MCHR2: variants seen among roughly 807,000 people sequenced by gnomAD.
MCHR2 encodes the protein melanin-concentrating hormone receptor 2.
In MCHR2, 15 loss-of-function variants were observed where a neutral mutation model predicts 24.8. That is an observed-to-expected ratio of 0.60 (90% CI 0.40 to 0.93). MCHR2 has a LOEUF of 0.93. Among genes scored for constraint, MCHR2 ranks in the 40% least tolerant of loss-of-function variants. The pLI is 0.00. For missense variants in MCHR2, 386 were observed against 408.7 expected, an observed-to-expected ratio of 0.94 and a Z score of 0.48; for synonymous variants, 151 against 147.6, an observed-to-expected ratio of 1.02 and a Z score of -0.17.
At chr6:99,923,499 C>T (rs1774284388) in intron 5 of MCHR2, among the ~76,000 whole-genome samples, 1 of 151,848 alleles carries the variant, frequency 6.6e-6, no homozygotes, top group Admixed American at 6.6e-5. Flanking sequence ...TAGTTTTTTC[C>T]CCATTCAGTA....
At chr6:99,962,888 T>C (rs1205334489) in intron 1 of MCHR2, among the ~76,000 whole-genome samples, 1 of 152,068 alleles carries the variant, frequency 6.6e-6, no homozygotes, top group Non-Finnish European at 1.5e-5. Context: ...TCCTATAACT[T>C]AATATTGATA....
intron 5 of MCHR2, among the ~76,000 whole-genome samples, chr6:99,931,631 C>T (rs1019095585): frequency 1.3e-5 from 2 of 152,072 alleles, no homozygotes; most frequent in Non-Finnish European, 2.9e-5. Context: ...GGGCGTAGGA[C>T]CCCCTGAGCC....
At chr6:99,967,030 T>A (rs1269005185) in intron 1 of MCHR2, among the ~76,000 whole-genome samples, 1 of 152,154 alleles carries the variant, frequency 6.6e-6, no homozygotes, top group Admixed American at 6.6e-5. Context: ...AGTACTTTTT[T>A]TTGATACTTT....
intron 1 of MCHR2, among the ~76,000 whole-genome samples, chr6:99,986,938 G>T (rs866069365): frequency 1.3e-4 from 19 of 150,454 alleles, no homozygotes; most frequent in African/African-American, 4.4e-4. Context: ...ATATAAAAAA[G>T]GAAATGATAA....
At chr6:99,986,322 T>G (rs1296441171) in intron 1 of MCHR2, among the ~76,000 whole-genome samples, 1 of 152,148 alleles carries the variant, frequency 6.6e-6, no homozygotes, top group Non-Finnish European at 1.5e-5. Context: ...CATCACTGGG[T>G]ATCTACCCCT....
intron 1 of MCHR2, among the ~76,000 whole-genome samples, chr6:99,980,378 T>C (rs902698733): frequency 6.6e-6 from 1 of 152,140 alleles, no homozygotes; most frequent in African/African-American, 2.4e-5. Flanking sequence ...AGATGGAAGT[T>C]GTTTGTGCTA....
rs1375917124 is a variant in MCHR2 at position 99,939,087 on chromosome 6, T to C, written c.587+3862A>G. Among the ~76,000 whole-genome samples, 8 of 152,178 alleles carry C rather than the reference T, an allele frequency of 5.3e-5. 1 individual carries two copies. The South Asian group carries it at 1.7e-3, about 32-fold the overall frequency. On this transcript the variant is annotated intron_variant, in intron 4 of 5. Coordinates refer to ENST00000281806, the MANE Select transcript of MCHR2 (RefSeq NM_001040179.2). ...TCTATGTGTGTCTTTATAGGTGAAG[T>C]GGGTTTCTTGTAGGCTGCATATAGT...
intron 1 of MCHR2, among the ~76,000 whole-genome samples, chr6:99,958,282 A>C (rs997581779): frequency 3.3e-5 from 4 of 121,126 alleles, no homozygotes; most frequent in Middle Eastern, 4.0e-3. Flanking sequence ...TGCCTGTCTA[A>C]ATGGAAAAAC....
intron 4 of MCHR2, among the ~76,000 whole-genome samples, chr6:99,938,469 G>A (rs1774709519): frequency 6.6e-6 from 1 of 152,058 alleles, no homozygotes; most frequent in South Asian, 2.1e-4. Context: ...TCATTCAGGA[G>A]CATGTTGTTT....
At chr6:99,966,386 C>T (rs183823466) in intron 1 of MCHR2, among the ~76,000 whole-genome samples, 54 of 152,208 alleles carry the variant, frequency 3.5e-4, no homozygotes, top group Non-Finnish European at 5.9e-4. Context: ...TTTTGTGAAT[C>T]CTTGTCATAT....
intron 1 of MCHR2, among the ~76,000 whole-genome samples, chr6:99,956,620 A>G (rs1775066637): frequency 6.6e-6 from 1 of 152,030 alleles, no homozygotes. Flanking sequence ...GATTGTTTAG[A>G]AATGGAATGG....
intron 5 of MCHR2, 114 bp from the exon 6 acceptor site, chr6:99,921,369 CT>C: frequency 1.1e-6 from 1 of 874,466 alleles, no homozygotes; most frequent in Non-Finnish European, 1.7e-6. Context: ...AAATATGAAG[CT>C]CATTATTATA....
chr6:99,959,262 A>T (rs888863659), intron 1 of MCHR2, among the ~76,000 whole-genome samples: 1 of 152,082 alleles, frequency 6.6e-6, no homozygotes, highest in Non-Finnish European at 1.5e-5. Flanking sequence ...GCGTTTCAGG[A>T]AAAAAGAAAT....
At chr6:99,925,762 T>A (rs1344029653) in intron 5 of MCHR2, among the ~76,000 whole-genome samples, 1 of 151,884 alleles carries the variant, frequency 6.6e-6, no homozygotes, top group Non-Finnish European at 1.5e-5. Context: ...GTATTATCTA[T>A]GTCTTGAAAA....
At chr6:99,931,276 GGGGGTCA>G (rs1774526839) in intron 5 of MCHR2, among the ~76,000 whole-genome samples, 2 of 152,184 alleles carry the variant, frequency 1.3e-5, no homozygotes, top group South Asian at 2.1e-4. Context: ...TAGGCTGCTC[GGGGGTCA>G]GGGGTCAGGG....
intron 1 of MCHR2, among the ~76,000 whole-genome samples, chr6:99,989,356 A>T (rs551252215): frequency 6.6e-6 from 1 of 152,346 alleles, no homozygotes; most frequent in Non-Finnish European, 1.5e-5. Context: ...AATGTTTGTA[A>T]TGTGCCAGAT....
intron 4 of MCHR2, among the ~76,000 whole-genome samples, chr6:99,942,034 C>T (rs568165254): frequency 6.6e-6 from 1 of 152,100 alleles, no homozygotes; most frequent in Non-Finnish European, 1.5e-5. Context: ...TTGGTAGTTG[C>T]TCAAATAATT....
intron 1 of MCHR2, among the ~76,000 whole-genome samples, chr6:99,973,648 C>T (rs1440904267): frequency 6.6e-6 from 1 of 152,188 alleles, no homozygotes; most frequent in Non-Finnish European, 1.5e-5. Context: ...GCAGTTTCTT[C>T]CTAGCCTTGA....
chr6:99,921,796 T>C (rs1278833617), intron 5 of MCHR2, among the ~76,000 whole-genome samples: 1 of 152,194 alleles, frequency 6.6e-6, no homozygotes, highest in Non-Finnish European at 1.5e-5. Flanking sequence ...CAGCCTCTGG[T>C]AACCATCTTT....
Sources: gnomAD v4.1 joint callset for allele counts (sites outside exome capture counted in the v4.1 genomes callset) on GRCh38, gnomAD v4.1.1 for gene constraint, MANE v1.5 for transcripts, NCBI Gene and HGNC (gene_info 2026-07-23, HGNC 2026-07-21) for gene names.